PLAAT1: variants seen among roughly 807,000 people sequenced by gnomAD.
The protein encoded by PLAAT1 is phospholipase A and acyltransferase 1, also known as H-REV107 protein-related protein.
A neutral mutation model predicts 16.4 loss-of-function variants in PLAAT1; 13 were observed. The ratio of observed to expected loss-of-function variants is 0.79; its 90% CI spans 0.52 to 1.26. The LOEUF (loss-of-function observed/expected upper bound fraction) is 1.26, where lower values mean the gene tolerates loss of function less well. Among genes scored for constraint, PLAAT1 ranks in the 50% most tolerant of loss-of-function variants. The pLI is 0.00. For synonymous variants in PLAAT1, 73 were observed against 78.4 expected (o/e 0.93, Z 0.36); for missense variants, 218 against 207.8 (o/e 1.05, Z -0.30).
chr3:193,270,069 A>AATACACACACACACACACAC (rs34199975), intron 3 of PLAAT1, among the ~76,000 whole-genome samples: 45 of 147,990 alleles, frequency 3.0e-4, no homozygotes, highest in East Asian at 1.4e-3. Flanking sequence ...ACATCCCTGA[A>AATACACACACACACACACAC]ACACACACAC....
At chr3:193,256,514 A>G (rs1338180802) in intron 2 of PLAAT1, among the ~76,000 whole-genome samples, 1 of 152,246 alleles carries the variant, frequency 6.6e-6, no homozygotes, top group Non-Finnish European at 1.5e-5. Context: ...AGTTTGTAAA[A>G]GAAGAAAAGC....
At chr3:193,265,646 A>C (rs1297443207) in intron 3 of PLAAT1, among the ~76,000 whole-genome samples, 2 of 152,314 alleles carry the variant, frequency 1.3e-5, no homozygotes, top group Admixed American at 1.3e-4. Flanking sequence ...TAGATCTCAA[A>C]ATTTTTTTTT....
In PLAAT1 at chr3:193,263,055, G is replaced by A. The variant is rs1367033937; in HGVS notation, c.225G>A (p.Val75=). 6.2e-7 allele frequency: 1 copy of A among 1,613,992 alleles called. No individual in the cohort carries two copies. The highest frequency in any genetic ancestry group is 8.5e-7 in the Non-Finnish European group (1 of 1,180,018). ...AAATGCAGCTCTTGAAGGATGTTGT[G>A]GGAAATGACACATACAGAATAAACA... ...LVKMQLLKDV[V]GNDTYRINNK... Residue 75 remains valine (V), a synonymous_variant, in exon 3 of 4, where the codon GTG becomes GTA. Transcript: ENST00000264735.
In PLAAT1 at chr3:193,262,991, C is replaced by G. The variant is rs1241809607; in HGVS notation, c.161C>G (p.Thr54Arg). The G allele has an allele frequency of 6.2e-7, 1 of 1,614,028 alleles. No homozygotes were observed. Among genetic ancestry groups the G allele is most frequent in the Non-Finnish European group, 8.5e-7 (1 of 1,180,024 alleles). ...APVDGIPASF[T>R]SAKSVFSSKA... ...ATAGATGGCATTCCTGCGTCCTTTACAAGCGCCAAGTCTGTATTCAGCAGT... is the reference window on the plus strand; with the variant it reads ...ATAGATGGCATTCCTGCGTCCTTTAGAAGCGCCAAGTCTGTATTCAGCAGT... Residue 54 changes from threonine to arginine, a missense_variant, in exon 3 of 4, where the codon ACA becomes AGA. Thr to Arg is a moderately conservative substitution (Grantham distance 71, BLOSUM62 -1). Transcript: ENST00000264735.
chr3:193,263,304 G>T, intron 3 of PLAAT1, 69 bp downstream of exon 3: 1 of 1,452,388 alleles, frequency 6.9e-7, no homozygotes, highest in Admixed American at 2.0e-5. Context: ...AAGGTTCCCA[G>T]GCCTCAAACC....
intron 1 of PLAAT1, among the ~76,000 whole-genome samples, chr3:193,255,168 T>G (rs1162739401): frequency 6.6e-6 from 1 of 152,202 alleles, no homozygotes; most frequent in Admixed American, 6.5e-5. Flanking sequence ...GCTAAATAAG[T>G]GCAAGCATAT....
chr3:193,271,805 GAA>G (rs58403260), downstream of PLAAT1, among the ~76,000 whole-genome samples: 1,022 of 152,282 alleles, frequency 6.7e-3, 11 homozygotes, highest in African/African-American at 0.023. Context: ...AGGACTCGGT[GAA>G]AGTCTTGTAC....
chr3:193,261,363 A>AT (rs768046230), intron 2 of PLAAT1, among the ~76,000 whole-genome samples: 13 of 151,778 alleles, frequency 8.6e-5, no homozygotes, highest in Admixed American at 1.3e-4. Context: ...GCAAGACTCC[A>AT]TAAAAAAAAA....
At chr3:193,249,779 G>A (rs751255371) in intron 1 of PLAAT1, among the ~76,000 whole-genome samples, 1 of 151,554 alleles carries the variant, frequency 6.6e-6, no homozygotes, top group African/African-American at 2.4e-5. Context: ...TTATTCTACT[G>A]TTGAACCTCC....
At chr3:193,276,613 A>G (rs1389477512) in intron 2 of PLAAT1, 6 of 640,144 alleles carry the variant, frequency 9.4e-6, no homozygotes, top group Non-Finnish European at 1.6e-5. Flanking sequence ...CTCCAAAAGA[A>G]TATGTACCAT....
At chr3:193,249,148 C>G (rs1324062035) in intron 1 of PLAAT1, among the ~76,000 whole-genome samples, 1 of 152,078 alleles carries the variant, frequency 6.6e-6, no homozygotes, top group Admixed American at 6.5e-5. Flanking sequence ...TTATTCCCTT[C>G]TACCCTGCAG....
chr3:193,276,968 A>G (rs11927848), intron 2 of PLAAT1: 260,478 of 636,986 alleles, frequency 0.41, 56,263 homozygotes, highest in African/African-American at 0.6. Context: ...TTTACAGATA[A>G]TACAACTGAA....
intron 3 of PLAAT1, among the ~76,000 whole-genome samples, chr3:193,270,295 T>C (rs971933641): frequency 3.3e-5 from 5 of 152,222 alleles, no homozygotes; most frequent in African/African-American, 9.6e-5. Flanking sequence ...TATATTAACC[T>C]CTTTCACCAG....
chr3:193,267,289 A>G (rs1281522991), intron 3 of PLAAT1, among the ~76,000 whole-genome samples: 1 of 152,146 alleles, frequency 6.6e-6, no homozygotes, highest in Non-Finnish European at 1.5e-5. Flanking sequence ...ATTTAAAATG[A>G]CACAATCCAT....
At chr3:193,255,956 A>G (rs1716359086) in intron 2 of PLAAT1, among the ~76,000 whole-genome samples, 167 bp downstream of exon 2, 1 of 152,240 alleles carries the variant, frequency 6.6e-6, no homozygotes, top group Admixed American at 6.5e-5. Flanking sequence ...CCAAAGCAGC[A>G]TTGAAGAAAT....
chr3:193,241,676 C>T, intron 1 of PLAAT1, 143 bp downstream of exon 1: 4 of 532,776 alleles, frequency 7.5e-6, no homozygotes, highest in Non-Finnish European at 1.1e-5. Context: ...CTGGGGAACT[C>T]AGTCCACAGG....
At chr3:193,241,082 G>A (rs1715706996), upstream of PLAAT1, 2 of 670,214 alleles carry the variant, frequency 3.0e-6, no homozygotes, top group Admixed American at 4.6e-5. Context: ...CGCGCGCGGA[G>A]GCGGCTGCGT....
intron 1 of PLAAT1, among the ~76,000 whole-genome samples, chr3:193,249,565 T>G (rs1471147849): frequency 2.6e-5 from 4 of 152,190 alleles, no homozygotes; most frequent in Non-Finnish European, 5.9e-5. Flanking sequence ...AAATGAGGAC[T>G]TGCTATATGT....
At chr3:193,245,978 T>C (rs774116341) in intron 1 of PLAAT1, among the ~76,000 whole-genome samples, 7 of 152,260 alleles carry the variant, frequency 4.6e-5, no homozygotes, top group Non-Finnish European at 8.8e-5. Flanking sequence ...CCATTTCATG[T>C]GCAAGGAGAA....
Sources: allele counts gnomAD v4.1 joint callset (sites outside exome capture counted in the v4.1 genomes callset), GRCh38; gene constraint gnomAD v4.1.1; transcripts MANE v1.5; gene names NCBI Gene and HGNC (gene_info 2026-07-23, HGNC 2026-07-21).